Variants in CCSER1 observed in about 807,000 individuals in gnomAD.
CCSER1 encodes coiled-coil serine rich protein 1.
In CCSER1, 41 loss-of-function variants were observed where a neutral mutation model predicts 82.0. The observed-to-expected ratio is 0.50, with a 90% CI of 0.39 to 0.65. The LOEUF is 0.65. CCSER1 is among the 30% of genes least tolerant of loss of function. CCSER1 has a pLI of 0.00. For missense variants in CCSER1, 1,119 were observed against 1,064.2 expected, an observed-to-expected ratio of 1.05 and a Z score of -0.72; for synonymous variants, 414 against 383.9, an observed-to-expected ratio of 1.08 and a Z score of -0.92.
intron 10 of CCSER1, among the ~76,000 whole-genome samples, chr4:91,225,430 T>A (rs1456732801): frequency 6.9e-6 from 1 of 145,208 alleles, no homozygotes; most frequent in Non-Finnish European, 1.5e-5. Flanking sequence ...TATACAGTAT[T>A]TCTTAAATTT....
chr4:90,193,731 A>T (rs1384804024), intron 1 of CCSER1, among the ~76,000 whole-genome samples: 2 of 152,028 alleles, frequency 1.3e-5, no homozygotes, highest in African/African-American at 4.8e-5. Context: ...CTGCAGGAAG[A>T]CAACTGTGTA....
rs543675513 is a variant in CCSER1, at chr4:90,514,503, C to T, written c.1724+46149C>T. On this transcript the variant is annotated intron_variant, in intron 5 of 10. Coordinates refer to ENST00000509176, the MANE Select transcript of CCSER1 (RefSeq NM_001145065.2). Reference sequence around the variant, plus strand: ...GACACAGTGGCTCACATCTGTAAATCTCAGCACTTTGGGAGGCCAAGGTGG... The same window carrying T: ...GACACAGTGGCTCACATCTGTAAATTTCAGCACTTTGGGAGGCCAAGGTGG... Among the ~76,000 whole-genome samples the T allele has an allele frequency of 2.6e-5, 4 of 152,268 alleles. No individual in the cohort carries two copies. The East Asian group carries it at 7.7e-4, about 29-fold the overall frequency.
At chr4:91,484,134 A>AT (rs1170285732) in intron 10 of CCSER1, among the ~76,000 whole-genome samples, 1 of 151,750 alleles carries the variant, frequency 6.6e-6, no homozygotes, top group African/African-American at 2.4e-5. Context: ...GCTGTTTTAA[A>AT]TTTTTTTTGA....
chr4:90,697,388 T>C (rs952764070), intron 6 of CCSER1, among the ~76,000 whole-genome samples: 1 of 118,030 alleles, frequency 8.5e-6, no homozygotes, highest in Non-Finnish European at 1.8e-5. Flanking sequence ...TCACATAACA[T>C]AAAAAACCAA....
intron 4 of CCSER1, among the ~76,000 whole-genome samples, chr4:90,426,401 T>C (rs1370032168): frequency 2.6e-5 from 4 of 152,164 alleles, no homozygotes; most frequent in Non-Finnish European, 5.9e-5. Flanking sequence ...GATATTTCTG[T>C]GGGCCGCATT....
intron 4 of CCSER1, among the ~76,000 whole-genome samples, chr4:90,437,036 T>C (rs1049388537): frequency 5.3e-5 from 8 of 152,106 alleles, no homozygotes; most frequent in African/African-American, 9.7e-5. Context: ...TTAGCCAGGA[T>C]GGTCTCAATC....
intron 7 of CCSER1, among the ~76,000 whole-genome samples, chr4:90,797,973 A>G (rs60150363): frequency 0.35 from 52,876 of 151,886 alleles, 9,560 homozygotes; most frequent in African/African-American, 0.46. Context: ...TTCTTATAAA[A>G]TGTGTTATTG....
At chr4:91,425,335 A>G (rs1172504944) in intron 10 of CCSER1, among the ~76,000 whole-genome samples, 1 of 152,142 alleles carries the variant, frequency 6.6e-6, no homozygotes, top group Non-Finnish European at 1.5e-5. Context: ...TTTTGATTTC[A>G]TTCCCATCAG....
At chr4:90,648,629 T>A (rs1286944798) in intron 6 of CCSER1, among the ~76,000 whole-genome samples, 1 of 152,116 alleles carries the variant, frequency 6.6e-6, no homozygotes, top group Non-Finnish European at 1.5e-5. Flanking sequence ...AAAGAAACAG[T>A]AAAAGCCAAG....
intron 1 of CCSER1, among the ~76,000 whole-genome samples, chr4:90,169,355 A>G (rs1003273155): frequency 3.9e-5 from 6 of 152,128 alleles, no homozygotes; most frequent in Non-Finnish European, 8.8e-5. Context: ...GAAGTTGCCT[A>G]TCAGCTTAAG....
chr4:90,509,598 A>G (rs1052517446), intron 5 of CCSER1, among the ~76,000 whole-genome samples: 2 of 152,144 alleles, frequency 1.3e-5, no homozygotes, highest in Non-Finnish European at 2.9e-5. Context: ...ACTTAGAACA[A>G]TTTTAGAGAT....
intron 10 of CCSER1, among the ~76,000 whole-genome samples, chr4:91,404,898 A>T (rs1752593250): frequency 1.3e-5 from 2 of 152,298 alleles, no homozygotes; most frequent in East Asian, 3.9e-4. Flanking sequence ...AGTTCTGTAG[A>T]TGTCTATTAG....
intron 9 of CCSER1, among the ~76,000 whole-genome samples, chr4:90,988,282 C>T (rs1736728741): frequency 7.8e-6 from 1 of 127,732 alleles, no homozygotes; most frequent in Non-Finnish European, 1.6e-5. Flanking sequence ...CTGCAGTTAA[C>T]CATGATTGCA....
chr4:91,074,804 AATT>A (rs1322895154), intron 9 of CCSER1, among the ~76,000 whole-genome samples: 1 of 152,182 alleles, frequency 6.6e-6, no homozygotes, highest in Non-Finnish European at 1.5e-5. Context: ...GCCTTTTAAA[AATT>A]ATTATTTTAT....
chr4:91,348,960 G>A (rs1266045426), intron 10 of CCSER1, among the ~76,000 whole-genome samples: 1 of 152,070 alleles, frequency 6.6e-6, no homozygotes, highest in African/African-American at 2.4e-5. Flanking sequence ...CCAGGCTGGA[G>A]TGCAGTGGTG....
intron 7 of CCSER1, among the ~76,000 whole-genome samples, chr4:90,775,421 A>C (rs970098669): frequency 6.6e-6 from 1 of 152,216 alleles, no homozygotes; most frequent in African/African-American, 2.4e-5. Flanking sequence ...ACAGTAAAAG[A>C]GATAAGGTTG....
At chr4:91,185,384 T>C (rs1734427752) in intron 10 of CCSER1, among the ~76,000 whole-genome samples, 1 of 152,226 alleles carries the variant, frequency 6.6e-6, no homozygotes, top group Admixed American at 6.5e-5. Flanking sequence ...GTACACTTTT[T>C]AAACTTAAAC....
intron 3 of CCSER1, among the ~76,000 whole-genome samples, chr4:90,387,444 G>A (rs748159077): frequency 3.3e-5 from 5 of 152,114 alleles, no homozygotes; most frequent in African/African-American, 7.2e-5. Flanking sequence ...CTTTGCCCTC[G>A]GTTTCTGAGA....
intron 5 of CCSER1, chr4:90,468,628 G>A (rs1763945725): frequency 4.1e-6 from 1 of 244,118 alleles, no homozygotes; most frequent in South Asian, 1.1e-4. Flanking sequence ...TCCCTACTCT[G>A]TGATTGTGGG....
Sources: gnomAD v4.1 joint callset for allele counts (sites outside exome capture counted in the v4.1 genomes callset) on GRCh38, gnomAD v4.1.1 for gene constraint, MANE v1.5 for transcripts, NCBI Gene and HGNC (gene_info 2026-07-23, HGNC 2026-07-21) for gene names.